Variants in TMEM255A observed in about 807,000 individuals in gnomAD.
TMEM255A encodes transmembrane protein 255A.
TMEM255A carries 14 observed loss-of-function variants against 23.5 expected under a neutral mutation model. The ratio of observed to expected loss-of-function variants is 0.60; its 90% CI spans 0.39 to 0.93. The LOEUF is 0.93. Ranked by LOEUF, TMEM255A falls within the 40% of genes least tolerant of loss-of-function variation. TMEM255A has a pLI of 0.00. For missense variants in TMEM255A, 233 were observed against 261.7 expected, an observed-to-expected ratio of 0.89 and a Z score of 0.76; for synonymous variants, 104 against 100.3, an observed-to-expected ratio of 1.04 and a Z score of -0.22.
intron 2 of TMEM255A, among the ~76,000 whole-genome samples, chrX:120,302,515 G>A (rs1411550506): frequency 2.6e-4 from 3 of 11,482 alleles, no homozygotes; most frequent in African/African-American, 1.1e-3. Context: ...ACCCCCCACC[G>A]GCTTTGCTTG....
intron 5 of TMEM255A, chrX:120,285,983 T>C (rs2057872968): frequency 2.2e-5 from 23 of 1,038,023 alleles, no homozygotes; most frequent in Non-Finnish European, 2.8e-5. Flanking sequence ...AGAATATTCA[T>C]AGCAAATGGG....
rs191211678 is a variant in TMEM255A, at chrX:120,284,288, G to C, written c.512+839C>G. Among the ~76,000 whole-genome samples, 319 of 112,309 alleles carry C rather than the reference G, an allele frequency of 2.8e-3. 2 individuals carry two copies. Among genetic ancestry groups the C allele is most frequent in the African/African-American group, 9.5e-3 (295 of 30,933 alleles). ...AATATATTTTGAAAGAAAGAATAAA[G>C]GATGTTTTAGCAATTTGGAGTGCAC... On this transcript the variant is annotated intron_variant, in intron 6 of 8. Coordinates refer to ENST00000371369, the MANE Select transcript of TMEM255A (RefSeq NM_001104544.3).
chrX:120,277,942 C>G (rs782163100), intron 6 of TMEM255A, among the ~76,000 whole-genome samples: 2 of 111,927 alleles, frequency 1.8e-5, no homozygotes, highest in East Asian at 5.6e-4. Flanking sequence ...AAAGCCCTAT[C>G]CCCCAATGTG....
chrX:120,255,042 C>A (rs1556015145), downstream of TMEM255A: 1 of 1,211,904 alleles, frequency 8.3e-7, no homozygotes, highest in Non-Finnish European at 1.1e-6. Context: ...GCATGAAATT[C>A]ATCACACAGG....
At chrX:120,269,129 CTT>C (rs34038524) in intron 7 of TMEM255A, among the ~76,000 whole-genome samples, 87 of 102,101 alleles carry the variant, frequency 8.5e-4, no homozygotes, top group South Asian at 9.1e-4. Flanking sequence ...ATCCCCCCAC[CTT>C]TTTTTTTTTT....
At chrX:120,254,568 C>A (rs1021257596), downstream of TMEM255A, 12 of 1,209,564 alleles carry the variant, frequency 9.9e-6, no homozygotes, top group African/African-American at 1.9e-4. Context: ...TCAAGAACCA[C>A]TTTCCAATTC....
intron 6 of TMEM255A, among the ~76,000 whole-genome samples, chrX:120,281,447 G>A (rs1435649057): frequency 2.7e-5 from 3 of 112,182 alleles, no homozygotes; most frequent in African/African-American, 9.7e-5. Context: ...ATAAGGGCCT[G>A]GAGCACTCAC....
intron 1 of TMEM255A, among the ~76,000 whole-genome samples, chrX:120,306,855 G>T (rs988177687): frequency 7.1e-5 from 8 of 112,176 alleles, no homozygotes; most frequent in African/African-American, 2.6e-4. Context: ...ACCACATAGT[G>T]TCATTTGAAA....
chrX:120,263,977 A>G (rs1431219142), intron 8 of TMEM255A, among the ~76,000 whole-genome samples: 1 of 111,340 alleles, frequency 9.0e-6, no homozygotes, highest in Non-Finnish European at 1.9e-5. Context: ...AACCTAGTGT[A>G]CCCTCGTGAT....
downstream of TMEM255A, chrX:120,255,168 C>T (rs2057629660): frequency 8.3e-7 from 1 of 1,211,545 alleles, no homozygotes; most frequent in Non-Finnish European, 1.1e-6. Context: ...AAAGCTTTAT[C>T]GTTTACATCC....
At chrX:120,270,276 C>T (rs1464629835) in intron 7 of TMEM255A, among the ~76,000 whole-genome samples, 2 of 108,562 alleles carry the variant, frequency 1.8e-5, no homozygotes, top group East Asian at 2.9e-4. Context: ...TATTTGTGTG[C>T]ACGTATAGGA....
At chrX:120,270,933 G>A (rs1225262242) in intron 7 of TMEM255A, among the ~76,000 whole-genome samples, 1 of 111,164 alleles carries the variant, frequency 9.0e-6, no homozygotes, top group Non-Finnish European at 1.9e-5. Context: ...TTTACACCAT[G>A]GTCTTATTTT....
rs782723635 is a variant in TMEM255A at position 120,271,078 on chromosome X, G to C, written c.676-2691C>G. ...TTTTTCTGCCCTGGTCCTTGATAGA[G>C]TTCCCGGGATTCACATTTGATAATG... On this transcript the variant is annotated intron_variant, in intron 7 of 8. Coordinates refer to ENST00000371369, the MANE Select transcript of TMEM255A (RefSeq NM_001104544.3). 4.5e-5 allele frequency among the ~76,000 whole-genome samples: 5 copies of C among 111,260 alleles called. No individual in the cohort carries two copies. The South Asian group carries it at 1.9e-3, about 43-fold the overall frequency.
At chrX:120,266,597 A>C (rs2057719500) in intron 8 of TMEM255A, among the ~76,000 whole-genome samples, 1 of 112,223 alleles carries the variant, frequency 8.9e-6, no homozygotes, top group South Asian at 3.7e-4. Context: ...TATTGTCCCT[A>C]CTTAAAGGGT....
intron 2 of TMEM255A, among the ~76,000 whole-genome samples, chrX:120,297,157 A>T (rs1398203184): frequency 1.9e-5 from 1 of 51,824 alleles, no homozygotes; most frequent in Non-Finnish European, 3.1e-5. Flanking sequence ...ATTATATTAT[A>T]ATATATATAT....
chrX:120,253,457 C>T, the TMEM255A span: 1 of 1,210,343 alleles, frequency 8.3e-7, no homozygotes, highest in Non-Finnish European at 1.1e-6. Context: ...ACATTCAGTA[C>T]TCTGGCAGTC....
chrX:120,305,809 C>T (rs2058061414), intron 1 of TMEM255A, among the ~76,000 whole-genome samples: 1 of 110,985 alleles, frequency 9.0e-6, no homozygotes, highest in Non-Finnish European at 1.9e-5. Context: ...TGCAGATATC[C>T]CCTCCTGTAT....
chrX:120,261,581 T>C (rs781858469), intron 8 of TMEM255A, among the ~76,000 whole-genome samples: 1 of 111,320 alleles, frequency 9.0e-6, no homozygotes, highest in African/African-American at 3.3e-5. Context: ...TGACTCCAAG[T>C]CCAACATTTT....
At chrX:120,271,388 TAAAC>T (rs2057760213) in intron 7 of TMEM255A, among the ~76,000 whole-genome samples, 1 of 111,603 alleles carries the variant, frequency 9.0e-6, no homozygotes, top group African/African-American at 3.3e-5. Flanking sequence ...CCTCACCTGT[TAAAC>T]AGAGACAGTA....
Sources: gnomAD v4.1 joint callset for allele counts (sites outside exome capture counted in the v4.1 genomes callset) on GRCh38, gnomAD v4.1.1 for gene constraint, MANE v1.5 for transcripts, NCBI Gene and HGNC (gene_info 2026-07-23, HGNC 2026-07-21) for gene names.